Variants in PCP4 observed in about 807,000 individuals in gnomAD.
The protein encoded by PCP4 is Purkinje cell protein 4.
A neutral mutation model predicts 10.0 loss-of-function variants in PCP4; 8 were observed. That is an observed-to-expected ratio of 0.80 (90% confidence interval 0.47 to 1.45). PCP4 has a LOEUF of 1.45. PCP4 is among the 40% of genes most tolerant of loss of function. The pLI is 0.00. For missense variants in PCP4, 54 were observed against 74.4 expected, an observed-to-expected ratio of 0.73 and a Z score of 1.01; for synonymous variants, 21 against 23.0, an observed-to-expected ratio of 0.91 and a Z score of 0.24.
intron 1 of PCP4, among the ~76,000 whole-genome samples, chr21:39,891,475 C>T (rs2087430899): frequency 6.6e-6 from 1 of 152,216 alleles, no homozygotes; most frequent in South Asian, 2.1e-4. Flanking sequence ...GAGATGGCAG[C>T]TGGTGGTGTA....
Position 39,906,089 on chromosome 21 carries a change from T to C in PCP4, c.61+7562T>C, listed in dbSNP as rs1432659620. ...TGCTGTCTTCCCTTTGATGTTACCA[T>C]GGCCTTGCAGGTGGGTTGGGAGAGG... On this transcript the variant is annotated intron_variant, in intron 2 of 2. Transcript: ENST00000328619. The surrounding 1 kb of genome is among the most constrained non-coding windows in gnomAD (Gnocchi z 6.3). Among the ~76,000 whole-genome samples the C allele has an allele frequency of 1.3e-5, 2 of 152,172 alleles. No individual in the cohort carries two copies. The highest frequency in any genetic ancestry group is 1.5e-5 in the Non-Finnish European group (1 of 68,022).
At chr21:39,891,788 G>C (rs951692952) in intron 1 of PCP4, among the ~76,000 whole-genome samples, 1 of 152,194 alleles carries the variant, frequency 6.6e-6, no homozygotes, top group Non-Finnish European at 1.5e-5. Context: ...AGAGAGAGAA[G>C]GCAGCATAGG....
chr21:39,911,587 T>A (rs1414893797), intron 2 of PCP4, among the ~76,000 whole-genome samples: 1 of 152,238 alleles, frequency 6.6e-6, no homozygotes, highest in South Asian at 2.1e-4. Context: ...TTTTCACCTG[T>A]GGGCCTCGTC....
chr21:39,928,866 G>C lies in PCP4; in HGVS notation c.62-118G>C, dbSNP rs894083312. On this transcript the variant is annotated intron_variant, in intron 2 of 2. Coordinates refer to ENST00000328619, the MANE Select transcript of PCP4 (RefSeq NM_006198.3). ...GATGAGCTCTTGTCCTGGGGTGTAAGTTAAGCCCCTGTGTGTGCCCCAAGG... is the reference window on the plus strand; with the variant it reads ...GATGAGCTCTTGTCCTGGGGTGTAACTTAAGCCCCTGTGTGTGCCCCAAGG... 4.2e-6 allele frequency: 4 copies of C among 945,082 alleles called. No homozygotes were observed. The African/African-American group carries it at 6.6e-5, about 16-fold the overall frequency. The allele number at this position is 945,082 out of a possible 1,614,324, so 58.5% of individuals were successfully genotyped here. A position where few individuals can be genotyped will look rare whatever the true frequency, so the allele number is the denominator to read the frequency against.
chr21:39,927,178 C>T (rs1349444565), intron 2 of PCP4, among the ~76,000 whole-genome samples: 2 of 152,098 alleles, frequency 1.3e-5, no homozygotes, highest in Non-Finnish European at 2.9e-5. Flanking sequence ...CTGCTTACAG[C>T]TCTGCAGATG....
At chr21:39,876,621 C>T (rs540215763) in intron 1 of PCP4, among the ~76,000 whole-genome samples, 177 of 152,300 alleles carry the variant, frequency 1.2e-3, no homozygotes, top group Non-Finnish European at 2.1e-3. Context: ...TGTGGGACTC[C>T]TACTCTTTCC....
chr21:39,896,290 C>T (rs376381793), intron 1 of PCP4, among the ~76,000 whole-genome samples: 2 of 152,268 alleles, frequency 1.3e-5, no homozygotes, highest in South Asian at 2.1e-4. Flanking sequence ...TCTTTTATTC[C>T]GTGAAATTTT....
At chr21:39,919,660 A>C (rs1351892481) in intron 2 of PCP4, among the ~76,000 whole-genome samples, 4 of 151,348 alleles carry the variant, frequency 2.6e-5, no homozygotes, top group African/African-American at 9.7e-5. Flanking sequence ...ATGAGTGTGT[A>C]TGTGGTGTGA....
chr21:39,883,624 C>T (rs571753774), intron 1 of PCP4: 11 of 152,264 alleles, frequency 7.2e-5, no homozygotes, highest in African/African-American at 2.6e-4. Flanking sequence ...CTCTTGACAT[C>T]CATGTGAGGT....
intron 1 of PCP4, among the ~76,000 whole-genome samples, chr21:39,874,240 AG>A (rs2087333698): frequency 6.6e-6 from 1 of 152,224 alleles, no homozygotes; most frequent in Admixed American, 6.5e-5. Context: ...CCTCCATTTT[AG>A]GACAGTCTTG....
Position 39,906,931 on chromosome 21 carries a change from C to T in PCP4, c.61+8404C>T, listed in dbSNP as rs568514804. Reference sequence around the variant, plus strand: ...TTTTATGGAAATAGTATTTCTCACGCGCTTGAAAACACTTTTGCTCTTTTA... The same window carrying T: ...TTTTATGGAAATAGTATTTCTCACGTGCTTGAAAACACTTTTGCTCTTTTA... On this transcript the variant is annotated intron_variant, in intron 2 of 2. Coordinates refer to ENST00000328619, the MANE Select transcript of PCP4 (RefSeq NM_006198.3). This position sits in a 1 kb window ranked among gnomAD's most constrained non-coding sequence, Gnocchi z 6.3. Among the ~76,000 whole-genome samples the T allele has an allele frequency of 9.2e-5, 14 of 152,198 alleles. No homozygotes were observed. Among genetic ancestry groups the T allele is most frequent in the African/African-American group, 1.4e-4 (6 of 41,536 alleles).
At chr21:39,920,616 C>T (rs1225307332) in intron 2 of PCP4, among the ~76,000 whole-genome samples, 1 of 152,142 alleles carries the variant, frequency 6.6e-6, no homozygotes, top group African/African-American at 2.4e-5. Context: ...TTGAGAGTTT[C>T]CTTTCCTAAG....
At chr21:39,884,085 AT>A (rs2087388564) in intron 1 of PCP4, among the ~76,000 whole-genome samples, 1 of 151,996 alleles carries the variant, frequency 6.6e-6, no homozygotes, top group African/African-American at 2.4e-5. Flanking sequence ...CAGCACACTT[AT>A]TTTTGAGGTT....
intron 1 of PCP4, among the ~76,000 whole-genome samples, chr21:39,896,892 A>G (rs530956112): frequency 6.6e-6 from 1 of 152,236 alleles, no homozygotes; most frequent in African/African-American, 2.4e-5. Flanking sequence ...TTTTGAGGGT[A>G]CCTTATCCCT....
At chr21:39,887,515 G>C (rs2087406360) in intron 1 of PCP4, among the ~76,000 whole-genome samples, 1 of 152,114 alleles carries the variant, frequency 6.6e-6, no homozygotes, top group South Asian at 2.1e-4. Flanking sequence ...TTCTGTCTCT[G>C]TCACAAAATG....
At chr21:39,879,035 G>C (rs2087359260) in intron 1 of PCP4, among the ~76,000 whole-genome samples, 2 of 149,912 alleles carry the variant, frequency 1.3e-5, no homozygotes, top group Admixed American at 1.3e-4. Flanking sequence ...TTTTGCCCAG[G>C]GTGGAGTGCA....
chr21:39,881,651 CACCT>C (rs775811510), intron 1 of PCP4, among the ~76,000 whole-genome samples: 11 of 152,220 alleles, frequency 7.2e-5, no homozygotes, highest in Non-Finnish European at 1.6e-4. Flanking sequence ...TAAAATGGCC[CACCT>C]ATTTTCAAAT....
At chr21:39,909,986 G>A (rs1190628840) in intron 2 of PCP4, among the ~76,000 whole-genome samples, 2 of 151,878 alleles carry the variant, frequency 1.3e-5, no homozygotes, top group Admixed American at 1.3e-4. Flanking sequence ...AGTAGAGATG[G>A]GGTTTCTCCA....
At chr21:39,881,371 C>T (rs908102601) in intron 1 of PCP4, among the ~76,000 whole-genome samples, 1 of 152,194 alleles carries the variant, frequency 6.6e-6, no homozygotes, top group Non-Finnish European at 1.5e-5. Flanking sequence ...TTCATTACAA[C>T]AGGTCATTGC....
Sources: gnomAD v4.1 joint callset for allele counts (sites outside exome capture counted in the v4.1 genomes callset) on GRCh38, gnomAD v4.1.1 for gene constraint, Gnocchi (gnomAD v3.1) non-coding constraint, MANE v1.5 for transcripts, NCBI Gene and HGNC (gene_info 2026-07-23, HGNC 2026-07-21) for gene names.